Variants in HS6ST3 observed in about 807,000 individuals in gnomAD.
HS6ST3 encodes heparan sulfate 6-O-sulfotransferase 3.
HS6ST3 carries 12 observed loss-of-function variants against 36.7 expected under a neutral mutation model. The ratio of observed to expected loss-of-function variants is 0.33; its 90% CI spans 0.21 to 0.53. HS6ST3 has a LOEUF of 0.53. Ranked by LOEUF, HS6ST3 falls within the 20% of genes least tolerant of loss-of-function variation. HS6ST3 has a pLI of 0.95. For synonymous variants in HS6ST3, 240 were observed against 257.5 expected, an observed-to-expected ratio of 0.93 and a Z score of 0.65; for missense variants, 584 against 640.9, an observed-to-expected ratio of 0.91 and a Z score of 0.96.
chr13:96,245,668 G>A (rs576026237), intron 1 of HS6ST3, among the ~76,000 whole-genome samples: 1 of 152,138 alleles, frequency 6.6e-6, no homozygotes, highest in African/African-American at 2.4e-5. Context: ...GGTACCCTCT[G>A]GGCTTGTCTA....
chr13:96,777,883 A>T (rs573307371), intron 1 of HS6ST3, among the ~76,000 whole-genome samples: 1 of 152,352 alleles, frequency 6.6e-6, no homozygotes, highest in East Asian at 1.9e-4. Flanking sequence ...CTAAGCAAAA[A>T]GAACAAAGCT....
At chr13:96,354,839 C>A (rs2055201768) in intron 1 of HS6ST3, among the ~76,000 whole-genome samples, 1 of 152,130 alleles carries the variant, frequency 6.6e-6, no homozygotes. Context: ...AAATATAGAA[C>A]CATACTGTGT....
chr13:96,571,966 C>G (rs761579600), intron 1 of HS6ST3, among the ~76,000 whole-genome samples: 6 of 152,102 alleles, frequency 3.9e-5, no homozygotes. Flanking sequence ...TCAGAGTGTG[C>G]GTAAAGTCAT....
chr13:96,618,524 C>A (rs965374247), intron 1 of HS6ST3, among the ~76,000 whole-genome samples: 3 of 152,100 alleles, frequency 2.0e-5, no homozygotes, highest in Non-Finnish European at 2.9e-5. Flanking sequence ...GGTATTGGGG[C>A]CCTTATTTGC....
intron 1 of HS6ST3, among the ~76,000 whole-genome samples, chr13:96,812,501 G>A (rs75391471): frequency 0.014 from 2,160 of 152,194 alleles, 47 homozygotes; most frequent in African/African-American, 0.049. Context: ...AGCAAAACCA[G>A]CCCTCCTGAA....
At chr13:96,528,084 G>A (rs2056121262) in intron 1 of HS6ST3, among the ~76,000 whole-genome samples, 1 of 152,146 alleles carries the variant, frequency 6.6e-6, no homozygotes, top group Non-Finnish European at 1.5e-5. Flanking sequence ...TAAATCTTGA[G>A]CTGTGAGTAC....
intron 1 of HS6ST3, among the ~76,000 whole-genome samples, chr13:96,314,142 A>G (rs1381794491): frequency 6.6e-6 from 1 of 152,290 alleles, no homozygotes; most frequent in Non-Finnish European, 1.5e-5. Context: ...CGGAGGTCTC[A>G]GTGAGTCAGG....
chr13:96,305,314 T>C (rs1040702632), intron 1 of HS6ST3, among the ~76,000 whole-genome samples: 68 of 152,316 alleles, frequency 4.5e-4, no homozygotes, highest in African/African-American at 1.6e-3. Context: ...AATGTTACCA[T>C]ACTTCATGAA....
At chr13:96,518,568 A>G (rs2056081661) in intron 1 of HS6ST3, among the ~76,000 whole-genome samples, 2 of 152,144 alleles carry the variant, frequency 1.3e-5, no homozygotes, top group Non-Finnish European at 2.9e-5. Context: ...TTTGTTTGGT[A>G]TGAGTAACAT....
chr13:96,453,106 A>G (rs2055736731), intron 1 of HS6ST3, among the ~76,000 whole-genome samples: 1 of 152,012 alleles, frequency 6.6e-6, no homozygotes, highest in African/African-American at 2.4e-5. Flanking sequence ...CCTGAGCATA[A>G]GAAAATCCCA....
At chr13:96,164,232 G>A (rs2054150484) in intron 1 of HS6ST3, among the ~76,000 whole-genome samples, 1 of 152,084 alleles carries the variant, frequency 6.6e-6, no homozygotes, top group Non-Finnish European at 1.5e-5. Flanking sequence ...TCTTCAAAAA[G>A]GGGCATGCAT....
At chr13:96,723,245 C>A (rs188059206) in intron 1 of HS6ST3, among the ~76,000 whole-genome samples, 4 of 152,188 alleles carry the variant, frequency 2.6e-5, no homozygotes, top group African/African-American at 9.6e-5. Flanking sequence ...ATCCAGGAGA[C>A]CTTAGGAAAC....
chr13:96,204,474 C>T (rs2054359639), intron 1 of HS6ST3, among the ~76,000 whole-genome samples: 1 of 152,078 alleles, frequency 6.6e-6, no homozygotes, highest in Non-Finnish European at 1.5e-5. Context: ...ATATTCAGGA[C>T]CTGAACTCAG....
At chr13:96,178,633 A>G (rs560367485) in intron 1 of HS6ST3, among the ~76,000 whole-genome samples, 1 of 152,210 alleles carries the variant, frequency 6.6e-6, no homozygotes, top group Non-Finnish European at 1.5e-5. Context: ...TCTGTGGTGC[A>G]CTGGGGATAC....
Position 96,391,763 on chromosome 13 carries a change from C to G in HS6ST3, c.707+300194C>G, listed in dbSNP as rs549816756. Among the ~76,000 whole-genome samples the G allele has an allele frequency of 5.3e-5, 8 of 152,294 alleles. No individual in the cohort carries two copies. The South Asian group carries it at 1.4e-3, about 28-fold the overall frequency. On this transcript the variant is annotated intron_variant, in intron 1 of 1. Transcript: ENST00000376705. ...ATCTTGTGAAACCCACACACTATCACAAGAACAGCATGGGAAAGTCCTGCA... is the reference window on the plus strand; with the variant it reads ...ATCTTGTGAAACCCACACACTATCAGAAGAACAGCATGGGAAAGTCCTGCA...
chr13:96,317,750 G>A (rs1333957630), intron 1 of HS6ST3, among the ~76,000 whole-genome samples: 1 of 150,198 alleles, frequency 6.7e-6, no homozygotes, highest in African/African-American at 2.5e-5. Flanking sequence ...TTTTGTAATA[G>A]CCGTTCTGAC....
chr13:96,093,907 A>G (rs963066489), intron 1 of HS6ST3, among the ~76,000 whole-genome samples: 3 of 152,224 alleles, frequency 2.0e-5, no homozygotes, highest in African/African-American at 7.2e-5. Context: ...CAGATAATCT[A>G]TTGGTACATA....
chr13:96,285,764 A>G (rs142913069), intron 1 of HS6ST3, among the ~76,000 whole-genome samples: 34 of 152,300 alleles, frequency 2.2e-4, no homozygotes, highest in African/African-American at 6.7e-4. Flanking sequence ...CTGTGCTCGC[A>G]TAACTGGCAA....
At chr13:96,708,259 A>G (rs554820469) in intron 1 of HS6ST3, among the ~76,000 whole-genome samples, 23 of 152,316 alleles carry the variant, frequency 1.5e-4, no homozygotes, top group African/African-American at 5.3e-4. Context: ...TTCCATAATT[A>G]TTTGAGTACA....
Sources: allele counts gnomAD v4.1 joint callset (sites outside exome capture counted in the v4.1 genomes callset), GRCh38; gene constraint gnomAD v4.1.1; transcripts MANE v1.5; gene names NCBI Gene and HGNC (gene_info 2026-07-23, HGNC 2026-07-21).